The following CFAP20DC variants were observed in gnomAD, a reference collection of about 807,000 sequenced individuals.
CFAP20DC encodes the protein CFAP20 domain containing.
CFAP20DC carries 84 observed loss-of-function variants against 101.7 expected under a neutral mutation model. That is an observed-to-expected ratio of 0.83 (90% confidence interval 0.69 to 0.99). The LOEUF is 0.99. Among genes scored for constraint, CFAP20DC ranks in the 50% least tolerant of loss-of-function variants. The pLI is 0.00. For synonymous variants in CFAP20DC, 359 were observed against 351.2 expected (o/e 1.02, Z -0.25); for missense variants, 1,007 against 970.3 (o/e 1.04, Z -0.50).
chr3:59,020,411 C>A (rs933425805), intron 4 of CFAP20DC, among the ~76,000 whole-genome samples: 1 of 152,052 alleles, frequency 6.6e-6, no homozygotes, highest in Non-Finnish European at 1.5e-5. Context: ...AGGGTCCTCA[C>A]TTGACTCTTG....
chr3:58,978,448 C>T (rs753488368), intron 4 of CFAP20DC, among the ~76,000 whole-genome samples: 2 of 152,106 alleles, frequency 1.3e-5, no homozygotes, highest in African/African-American at 4.8e-5. Flanking sequence ...GTGGCTCACA[C>T]CTCTAATCCC....
In CFAP20DC at chr3:58,921,760, A is replaced by G. The variant is rs567181800; in HGVS notation, c.394-7896T>C. On this transcript the variant is annotated intron_variant, in intron 5 of 16. Transcript: ENST00000482387. The stretch of plus-strand genomic sequence containing the variant: ...CAGATTGGTAGTGTTTTTCAAGTCT[A>G]TATCTTTAGTGATTGTCAATTTCTG... Among the ~76,000 whole-genome samples the G allele has an allele frequency of 1.3e-3, 203 of 152,318 alleles. 1 individual carries two copies. Among genetic ancestry groups the G allele is most frequent in the Non-Finnish European group, 2.2e-3 (151 of 68,016 alleles).
intron 6 of CFAP20DC, among the ~76,000 whole-genome samples, chr3:58,886,400 C>T (rs1013933598): frequency 3.3e-5 from 5 of 151,984 alleles, no homozygotes; most frequent in Admixed American, 6.6e-5. Context: ...ATACAAAAAA[C>T]TCTATCTCAA....
chr3:58,855,016 C>G (rs2078637384), intron 12 of CFAP20DC, among the ~76,000 whole-genome samples: 1 of 145,864 alleles, frequency 6.9e-6, no homozygotes, highest in Admixed American at 6.9e-5. Context: ...AGCTTCTGCA[C>G]AGCAAAAGAA....
At chr3:59,024,543 T>C (rs1252971228) in intron 4 of CFAP20DC, among the ~76,000 whole-genome samples, 3 of 152,146 alleles carry the variant, frequency 2.0e-5, no homozygotes, top group Non-Finnish European at 2.9e-5. Context: ...ATTTACTACA[T>C]GTATGCCATT....
At chr3:59,028,405 T>C (rs1456479636) in intron 4 of CFAP20DC, among the ~76,000 whole-genome samples, 1 of 152,204 alleles carries the variant, frequency 6.6e-6, no homozygotes, top group African/African-American at 2.4e-5. Flanking sequence ...TATCTCAGCA[T>C]GAAAGAAAGA....
rs1371813917 is a variant in CFAP20DC, at chr3:58,849,129, G to A, written c.1874C>T (p.Ala625Val). 2.3e-5 allele frequency: 36 copies of A among 1,535,934 alleles called. No homozygotes were observed. Among genetic ancestry groups the A allele is most frequent in the Non-Finnish European group, 3.0e-5 (34 of 1,146,910 alleles). Reference protein sequence around the residue: ...CQKTPEPVIKAKDLSAQQVPA... With the variant: ...CQKTPEPVIKVKDLSAQQVPA... ...CACTTGCTGGGCTGATAGATCCTTC[G>A]CTTTGATTACGGGCTCTGGAGTTTT... Residue 625 changes from alanine to valine, a missense_variant, in exon 13 of 17, where the codon GCG becomes GTG. Transcript: ENST00000482387.
chr3:58,812,078 G>T (rs1468579227), intron 14 of CFAP20DC, among the ~76,000 whole-genome samples: 2 of 152,118 alleles, frequency 1.3e-5, no homozygotes, highest in African/African-American at 4.8e-5. Flanking sequence ...AGGATGTGGA[G>T]AAATAGGAAC....
intron 3 of CFAP20DC, among the ~76,000 whole-genome samples, chr3:59,045,642 G>C (rs1332792161): frequency 6.6e-6 from 1 of 152,004 alleles, no homozygotes; most frequent in African/African-American, 2.4e-5. Context: ...AAGTAAACAA[G>C]AATTGAAATA....
At chr3:58,756,777 T>G (rs1312115247) in intron 15 of CFAP20DC, among the ~76,000 whole-genome samples, 1 of 152,126 alleles carries the variant, frequency 6.6e-6, no homozygotes, top group African/African-American at 2.4e-5. Flanking sequence ...TACATGTCTG[T>G]TTTTTATTCC....
At chr3:58,922,954 T>G (rs1347114296) in intron 5 of CFAP20DC, among the ~76,000 whole-genome samples, 2 of 152,174 alleles carry the variant, frequency 1.3e-5, no homozygotes, top group Non-Finnish European at 2.9e-5. Flanking sequence ...CACCACTGTT[T>G]GTGTCATTGT....
chr3:59,016,552 GA>G (rs1223181664), intron 4 of CFAP20DC, among the ~76,000 whole-genome samples: 1 of 152,116 alleles, frequency 6.6e-6, no homozygotes, highest in East Asian at 1.9e-4. Flanking sequence ...ATTATACAAA[GA>G]AATAATAAAT....
At chr3:58,980,286 G>A (rs1041263664) in intron 4 of CFAP20DC, among the ~76,000 whole-genome samples, 16 of 152,122 alleles carry the variant, frequency 1.1e-4, no homozygotes, top group African/African-American at 3.9e-4. Flanking sequence ...ACAAGGAGGA[G>A]CTGGTACCAT....
downstream of CFAP20DC, chr3:58,717,295 CA>C: frequency 5.7e-6 from 1 of 176,082 alleles, no homozygotes; most frequent in Non-Finnish European, 1.2e-5. This position sits in a 1 kb window ranked among gnomAD's most constrained non-coding sequence, Gnocchi z 4.1. Flanking sequence ...CACACAAAAC[CA>C]AAAGCATTGC....
rs529770566 is a variant in CFAP20DC at position 58,930,881 on chromosome 3, C to A, written c.393+6767G>T. On this transcript the variant is annotated intron_variant, in intron 5 of 16. Transcript: ENST00000482387. ...GATTTCTGCATTTCCACCTGAGGTA[C>A]CGGGTTCATCTCACTAGGGAGTGTC... Among the ~76,000 whole-genome samples the A allele has an allele frequency of 8.5e-5, 13 of 152,292 alleles. No individual in the cohort carries two copies. The East Asian group carries it at 2.5e-3, about 29-fold the overall frequency.
chr3:58,939,414 C>T (rs1281093900), intron 4 of CFAP20DC, among the ~76,000 whole-genome samples: 1 of 152,064 alleles, frequency 6.6e-6, no homozygotes, highest in African/African-American at 2.4e-5. Context: ...TATTAAAGGG[C>T]TACTGTGCTT....
intron 15 of CFAP20DC, among the ~76,000 whole-genome samples, chr3:58,765,882 T>G (rs1483958233): frequency 6.6e-6 from 1 of 152,174 alleles, no homozygotes; most frequent in African/African-American, 2.4e-5. Flanking sequence ...GACTAGGAGA[T>G]AGCTCATTTT....
Position 58,863,957 on chromosome 3 carries a change from T to G in CFAP20DC, c.1259-65A>C. Reference sequence around the variant, plus strand: ...CCATAAAAGTGTTATTTTTATTTATTTATTTTTAGTTTTAGTTTTTGAGAC... The same window carrying G: ...CCATAAAAGTGTTATTTTTATTTATGTATTTTTAGTTTTAGTTTTTGAGAC... On this transcript the variant is annotated intron_variant, in intron 11 of 16. Coordinates refer to ENST00000482387, the MANE Select transcript of CFAP20DC (RefSeq NM_001394063.1). This position sits in a 1 kb window ranked among gnomAD's most constrained non-coding sequence, Gnocchi z 5.9. The G allele has an allele frequency of 7.1e-7, 1 of 1,416,760 alleles. No homozygotes were observed. The highest frequency in any genetic ancestry group is 9.3e-7 in the Non-Finnish European group (1 of 1,073,428). 87.8% of individuals were successfully genotyped at this position (1,416,760 alleles called of 1,614,324 possible). A position where few individuals can be genotyped will look rare whatever the true frequency, so the allele number is the denominator to read the frequency against.
In CFAP20DC at chr3:58,894,402, A is replaced by G. The variant is rs944714025; in HGVS notation, c.551-9693T>C. On this transcript the variant is annotated intron_variant, in intron 6 of 16. Transcript: ENST00000482387. The surrounding 1 kb of genome is among the most constrained non-coding windows in gnomAD (Gnocchi z 4.1). ...ATTCCAAATGAGAGAAATTGGCAAA[A>G]ACAAAGAAGCTACAGGCCCCATGCA... is the stretch of plus-strand genomic sequence containing the variant. 6.6e-6 allele frequency among the ~76,000 whole-genome samples: 1 copy of G among 152,180 alleles called. No individual in the cohort carries two copies. Among genetic ancestry groups the G allele is most frequent in the African/African-American group, 2.4e-5 (1 of 41,444 alleles).
Sources: gnomAD v4.1 joint callset for allele counts (sites outside exome capture counted in the v4.1 genomes callset) on GRCh38, gnomAD v4.1.1 for gene constraint, Gnocchi (gnomAD v3.1) non-coding constraint, MANE v1.5 for transcripts, NCBI Gene and HGNC (gene_info 2026-07-23, HGNC 2026-07-21) for gene names.